The following SGCD variants were observed in gnomAD, a reference collection of about 807,000 sequenced individuals.
The protein encoded by SGCD is delta-sarcoglycan.
A neutral mutation model predicts 36.6 loss-of-function variants in SGCD; 18 were observed. That is an observed-to-expected ratio of 0.49 (90% CI 0.34 to 0.73). The LOEUF (loss-of-function observed/expected upper bound fraction) is 0.73. Ranked by LOEUF, SGCD falls within the 30% of genes least tolerant of loss-of-function variation. SGCD has a pLI of 0.01. For synonymous variants in SGCD, 133 were observed against 130.6 expected (o/e 1.02, Z -0.12); for missense variants, 387 against 346.7 (o/e 1.12, Z -0.92).
chr5:156,706,725 C>T (rs1302996856), intron 7 of SGCD, among the ~76,000 whole-genome samples: 2 of 152,140 alleles, frequency 1.3e-5, no homozygotes, highest in Non-Finnish European at 2.9e-5. Flanking sequence ...TGGGAATTTT[C>T]AGGGAAATTG....
At chr5:155,951,501 T>C (rs1265893040) in intron 1 of SGCD, among the ~76,000 whole-genome samples, 2 of 152,204 alleles carry the variant, frequency 1.3e-5, no homozygotes, top group Non-Finnish European at 2.9e-5. Context: ...AGAAAGTGGT[T>C]ATCCTAAAAG....
chr5:155,800,805 C>T, the SGCD span, among the ~76,000 whole-genome samples: 8 of 152,044 alleles, frequency 5.3e-5, no homozygotes, highest in Non-Finnish European at 1.5e-5. Flanking sequence ...TTTACGTTAT[C>T]TTGAGTCTGT....
At chr5:156,501,589 T>G (rs1017821053) in intron 3 of SGCD, among the ~76,000 whole-genome samples, 1 of 152,186 alleles carries the variant, frequency 6.6e-6, no homozygotes, top group Non-Finnish European at 1.5e-5. Flanking sequence ...TTCCCCAGAT[T>G]CCACCTACCT....
At chr5:156,535,974 T>C (rs1758089867) in intron 4 of SGCD, among the ~76,000 whole-genome samples, 2 of 152,190 alleles carry the variant, frequency 1.3e-5, no homozygotes, top group African/African-American at 4.8e-5. Flanking sequence ...CGGATAATTT[T>C]TTTAAAGAAT....
chr5:156,308,523 C>G (rs965892522), intron 3 of SGCD, among the ~76,000 whole-genome samples: 1 of 152,166 alleles, frequency 6.6e-6, no homozygotes, highest in Non-Finnish European at 1.5e-5. Flanking sequence ...TGGTCTCGAT[C>G]TCCTGACCAT....
At chr5:156,074,586 A>G (rs908734528) in intron 1 of SGCD, among the ~76,000 whole-genome samples, 9 of 152,138 alleles carry the variant, frequency 5.9e-5, no homozygotes, top group Admixed American at 1.3e-4. Context: ...AGGCTGAGGC[A>G]GGAGAATCAC....
At chr5:156,477,042 A>G (rs901527429) in intron 3 of SGCD, among the ~76,000 whole-genome samples, 22 of 126,164 alleles carry the variant, frequency 1.7e-4, no homozygotes, top group Non-Finnish European at 3.4e-4. Context: ...GAATTTCAAG[A>G]GAAAAAGAAA....
chr5:156,122,840 T>G, intron 2 of SGCD, among the ~76,000 whole-genome samples: 2 of 51,932 alleles, frequency 3.9e-5, no homozygotes, highest in Non-Finnish European at 6.7e-5. Flanking sequence ...GTAAAAGATG[T>G]GGTAAAAAAA....
At chr5:155,958,856 C>G (rs1258056662) in intron 1 of SGCD, among the ~76,000 whole-genome samples, 1 of 152,084 alleles carries the variant, frequency 6.6e-6, no homozygotes, top group Non-Finnish European at 1.5e-5. Flanking sequence ...GTAAGTGTGA[C>G]TAGCTATTTC....
intron 6 of SGCD, among the ~76,000 whole-genome samples, chr5:156,611,306 A>G (rs1761793645): frequency 6.6e-6 from 1 of 152,102 alleles, no homozygotes; most frequent in African/African-American, 2.4e-5. Context: ...GTAAGTTATG[A>G]CGAATTCCCT....
At chr5:155,782,811 C>G in the SGCD span, among the ~76,000 whole-genome samples, 1 of 152,142 alleles carries the variant, frequency 6.6e-6, no homozygotes, top group South Asian at 2.1e-4. Context: ...TTATGAGAAT[C>G]TAATGCCTGA....
chr5:156,025,966 A>G (rs1363882060), intron 1 of SGCD, among the ~76,000 whole-genome samples: 1 of 152,240 alleles, frequency 6.6e-6, no homozygotes. Flanking sequence ...GCTGTCACCA[A>G]GTTTCTTTGA....
chr5:156,090,576 C>T (rs1334086178), intron 1 of SGCD, among the ~76,000 whole-genome samples: 1 of 152,142 alleles, frequency 6.6e-6, no homozygotes, highest in African/African-American at 2.4e-5. Flanking sequence ...GGTCCATGTC[C>T]CACTGGGCAC....
intron 4 of SGCD, among the ~76,000 whole-genome samples, chr5:156,556,048 C>A (rs1170533369): frequency 6.7e-6 from 1 of 150,202 alleles, no homozygotes; most frequent in African/African-American, 2.5e-5. Context: ...TCTCATATCA[C>A]ATGTTTATTT....
intron 2 of SGCD, among the ~76,000 whole-genome samples, chr5:156,331,919 T>G (rs920051308): frequency 6.6e-6 from 1 of 152,212 alleles, no homozygotes; most frequent in African/African-American, 2.4e-5. Flanking sequence ...TATGGTTGAC[T>G]TCTCTCCTCT....
At chr5:156,301,589 C>T (rs1195717028) in intron 3 of SGCD, among the ~76,000 whole-genome samples, 1 of 152,042 alleles carries the variant, frequency 6.6e-6, no homozygotes, top group East Asian at 1.9e-4. Context: ...TGTGTGCTTA[C>T]AGTTACCAGT....
the SGCD span, among the ~76,000 whole-genome samples, chr5:155,787,660 G>A: frequency 6.6e-6 from 1 of 152,144 alleles, no homozygotes; most frequent in Non-Finnish European, 1.5e-5. Flanking sequence ...TGTCCTGTCT[G>A]TTGTAACGGA....
intron 3 of SGCD, among the ~76,000 whole-genome samples, chr5:156,345,096 C>T (rs1358596497): frequency 6.6e-6 from 1 of 151,882 alleles, no homozygotes; most frequent in African/African-American, 2.4e-5. Context: ...ATACTGTGAG[C>T]ATTATCTATC....
chr5:156,285,872 T>A (rs982117364), intron 3 of SGCD, among the ~76,000 whole-genome samples: 5 of 151,998 alleles, frequency 3.3e-5, no homozygotes, highest in Admixed American at 2.0e-4. Context: ...GAAACTACCA[T>A]CAGAGTGAAC....
Sources: gnomAD v4.1 joint callset for allele counts (sites outside exome capture counted in the v4.1 genomes callset) on GRCh38, gnomAD v4.1.1 for gene constraint, MANE v1.5 for transcripts, NCBI Gene and HGNC (gene_info 2026-07-23, HGNC 2026-07-21) for gene names.